EFHC2: variants seen among roughly 807,000 people sequenced by gnomAD.
The protein encoded by EFHC2 is EF-hand domain-containing family member C2.
In EFHC2, 18 loss-of-function variants were observed where a neutral mutation model predicts 52.7. That is an observed-to-expected ratio of 0.34 (90% CI 0.24 to 0.51). The LOEUF (loss-of-function observed/expected upper bound fraction) is 0.51. Ranked by LOEUF, EFHC2 falls within the 20% of genes least tolerant of loss-of-function variation. The pLI is 0.97. For synonymous variants in EFHC2, 203 were observed against 204.1 expected (o/e 0.99, Z 0.04); for missense variants, 513 against 562.5 (o/e 0.91, Z 0.89).
intron 2 of EFHC2, chrX:44,285,829 A>G (rs920588920): frequency 4.7e-5 from 7 of 148,986 alleles, no homozygotes; most frequent in South Asian, 1.7e-4. Context: ...CCGTCTCTCT[A>G]AAGAAGCCCA....
intron 11 of EFHC2, among the ~76,000 whole-genome samples, chrX:44,189,480 G>A (rs2036903600): frequency 8.9e-6 from 1 of 112,249 alleles, no homozygotes; most frequent in Admixed American, 9.4e-5. Flanking sequence ...GGCAGGCGGG[G>A]CCCACTCATG....
chrX:44,214,381 A>T (rs1223944474), intron 11 of EFHC2, among the ~76,000 whole-genome samples: 2 of 112,441 alleles, frequency 1.8e-5, no homozygotes, highest in East Asian at 5.6e-4. Flanking sequence ...CAGGGAAAAA[A>T]ATCTTACCCA....
intron 11 of EFHC2, among the ~76,000 whole-genome samples, chrX:44,184,029 T>A (rs765632982): frequency 5.4e-4 from 61 of 112,138 alleles, no homozygotes; most frequent in Non-Finnish European, 1.0e-3. Context: ...ACTTGTGAAA[T>A]AGAATTTTAT....
intron 2 of EFHC2, among the ~76,000 whole-genome samples, chrX:44,307,795 G>A (rs2037916538): frequency 9.0e-6 from 1 of 110,981 alleles, no homozygotes; most frequent in Non-Finnish European, 1.9e-5. Flanking sequence ...TTAGCCAGGT[G>A]TGGTGGCACA....
intron 1 of EFHC2, among the ~76,000 whole-genome samples, chrX:44,331,251 T>C (rs1395357872): frequency 8.9e-6 from 1 of 112,422 alleles, no homozygotes; most frequent in African/African-American, 3.2e-5. Flanking sequence ...CAGGGACTTA[T>C]ACCAAGTGGA....
chrX:44,272,901 A>G, intron 2 of EFHC2, 65 bp from the exon 3 acceptor site: 1 of 957,115 alleles, frequency 1.0e-6, no homozygotes, highest in Non-Finnish European at 1.4e-6. Context: ...AAATTAACAA[A>G]GCAGCTGCCT....
intron 11 of EFHC2, among the ~76,000 whole-genome samples, chrX:44,211,235 A>G (rs767585106): frequency 1.8e-5 from 2 of 112,612 alleles, no homozygotes; most frequent in Non-Finnish European, 3.8e-5. Context: ...CTACTTTAAA[A>G]AACAGTTTGG....
chrX:44,249,858 G>GC (rs765158849), intron 5 of EFHC2, among the ~76,000 whole-genome samples: 1 of 112,454 alleles, frequency 8.9e-6, no homozygotes, highest in African/African-American at 3.2e-5. Flanking sequence ...TCAGTAGTCT[G>GC]CAGTGCCCTG....
At chrX:44,317,081 C>T (rs1287839966) in intron 1 of EFHC2, among the ~76,000 whole-genome samples, 1 of 112,103 alleles carries the variant, frequency 8.9e-6, no homozygotes, top group Non-Finnish European at 1.9e-5. Context: ...AAGGAAGGGT[C>T]CGGGGAAGAA....
At position 44,148,525 on chromosome X, in the gene EFHC2, T is replaced by A; in HGVS notation, c.*270A>T. On this transcript the variant is annotated 3_prime_UTR_variant, in exon 15 of 15. Transcript: ENST00000420999. ...TCAAATTATGTTGGATCAAAAATTA[T>A]CAGAAGATTTTTTGGTATTAATAAA... is the stretch of plus-strand genomic sequence containing the variant. 4.0e-6 allele frequency: 1 copy of A among 247,424 alleles called. No homozygotes were observed. Among genetic ancestry groups the A allele is most frequent in the South Asian group, 8.7e-5 (1 of 11,468 alleles). The allele number at this position is 247,424 out of a possible 1,213,427, so 20.4% of individuals were successfully genotyped here.
intron 8 of EFHC2, among the ~76,000 whole-genome samples, chrX:44,237,674 G>T (rs1368835269): frequency 9.0e-6 from 1 of 111,459 alleles, no homozygotes; most frequent in Non-Finnish European, 1.9e-5. Context: ...TTAATTTTTT[G>T]TGCCTATCTA....
At position 44,213,785 on chromosome X, in the gene EFHC2, G is replaced by A. The variant is rs145054411; in HGVS notation, c.1751+15864C>T. On this transcript the variant is annotated intron_variant, in intron 11 of 14. Transcript: ENST00000420999. Reference sequence around the variant, plus strand: ...TTCTATCAGTAATTCCAAAAGGGAAGAGGGTATAATGAAGTATGTCTGACC... The same window carrying A: ...TTCTATCAGTAATTCCAAAAGGGAAAAGGGTATAATGAAGTATGTCTGACC... Among the ~76,000 whole-genome samples the A allele has an allele frequency of 4.3e-3, 477 of 111,842 alleles. 14 individuals carry two copies. The East Asian group carries it at 0.1, about 24-fold the overall frequency.
intron 2 of EFHC2, among the ~76,000 whole-genome samples, chrX:44,286,459 A>G (rs2037749097): frequency 8.9e-6 from 1 of 111,751 alleles, no homozygotes; most frequent in Non-Finnish European, 1.9e-5. Flanking sequence ...ATGGGATGGC[A>G]GGAGGGTTAA....
At chrX:44,309,557 A>G in intron 2 of EFHC2, 1 of 1,189,859 alleles carries the variant, frequency 8.4e-7, no homozygotes, top group Non-Finnish European at 1.1e-6. Flanking sequence ...TTCACAGGCA[A>G]GGCCTCGGTG....
At chrX:44,310,199 C>T in intron 2 of EFHC2, 1 of 737,542 alleles carries the variant, frequency 1.4e-6, no homozygotes, top group African/African-American at 2.1e-5. Flanking sequence ...CCTTCTCATA[C>T]ATCTGCCAGA....
intron 2 of EFHC2, among the ~76,000 whole-genome samples, chrX:44,283,222 C>A (rs1196425667): frequency 9.2e-6 from 1 of 108,688 alleles, no homozygotes; most frequent in South Asian, 3.8e-4. Context: ...TGGCTCTGTC[C>A]CCCAGGCTGG....
chrX:44,275,933 A>T (rs774294378), intron 2 of EFHC2, among the ~76,000 whole-genome samples: 29 of 108,985 alleles, frequency 2.7e-4, no homozygotes, highest in African/African-American at 9.3e-4. Context: ...AAAAAGAAAA[A>T]AGAAAAATAA....
rs1193281533 is a variant in EFHC2 at position 44,148,011 on chromosome X, G to C, written c.*784C>G. 1 of 110,122 alleles carries C rather than the reference G, an allele frequency of 9.1e-6. No individual in the cohort carries two copies. The allele number at this position is 110,122 out of a possible 1,213,427, so 9.1% of individuals were successfully genotyped here. Reference sequence around the variant, plus strand: ...TCTGAATATTTAAACCTCTAGGGTGGGGCGCGTGGGATGTGTGTGTAAAAC... The same window carrying C: ...TCTGAATATTTAAACCTCTAGGGTGCGGCGCGTGGGATGTGTGTGTAAAAC... On this transcript the variant is annotated 3_prime_UTR_variant, in exon 15 of 15. Coordinates refer to ENST00000420999, the MANE Select transcript of EFHC2 (RefSeq NM_025184.4).
chrX:44,289,933 G>A (rs764806763), intron 2 of EFHC2, among the ~76,000 whole-genome samples: 135 of 111,321 alleles, frequency 1.2e-3, no homozygotes, highest in African/African-American at 4.2e-3. Context: ...CGCCCGCCTC[G>A]GCCTCCCAAA....
Sources: allele counts gnomAD v4.1 joint callset (sites outside exome capture counted in the v4.1 genomes callset), GRCh38; gene constraint gnomAD v4.1.1; transcripts MANE v1.5; gene names NCBI Gene and HGNC (gene_info 2026-07-23, HGNC 2026-07-21).